CDH18: variants seen among roughly 807,000 people sequenced by gnomAD.
CDH18 encodes cadherin 18, also known as cadherin-18.
A neutral mutation model predicts 67.9 loss-of-function variants in CDH18; 31 were observed. That is an observed-to-expected ratio of 0.46 (90% confidence interval 0.34 to 0.62). The LOEUF (loss-of-function observed/expected upper bound fraction) is 0.62, where lower values mean the gene tolerates loss of function less well. Among genes scored for constraint, CDH18 ranks in the 20% least tolerant of loss-of-function variants. The probability of loss-of-function intolerance (pLI) is 0.01; values close to 1 mark genes in which losing one functional copy is unlikely to be tolerated. For synonymous variants in CDH18, 362 were observed against 347.2 expected, an observed-to-expected ratio of 1.04 and a Z score of -0.48; for missense variants, 890 against 975.5, an observed-to-expected ratio of 0.91 and a Z score of 1.17.
intron 1 of CDH18, among the ~76,000 whole-genome samples, chr5:20,391,083 A>G (rs1039969232): frequency 1.3e-5 from 2 of 152,090 alleles, no homozygotes; most frequent in African/African-American, 4.8e-5. Context: ...ATATATACAT[A>G]TGTAACTAAC....
chr5:19,749,901 T>C (rs1272237117), intron 3 of CDH18, among the ~76,000 whole-genome samples: 2 of 151,790 alleles, frequency 1.3e-5, no homozygotes, highest in Non-Finnish European at 2.9e-5. Context: ...TGAACCTAGA[T>C]TGTAATAAGA....
At chr5:19,687,581 G>C (rs1415463695) in intron 5 of CDH18, among the ~76,000 whole-genome samples, 1 of 152,158 alleles carries the variant, frequency 6.6e-6, no homozygotes, top group East Asian at 1.9e-4. Context: ...CCTCCTGCCT[G>C]GGACTGCTAC....
intron 2 of CDH18, among the ~76,000 whole-genome samples, chr5:19,859,989 G>GGGGTGTGTGTGTGTGTGTGT (rs143069229): frequency 5.6e-5 from 8 of 143,148 alleles, no homozygotes; most frequent in African/African-American, 2.1e-4. Flanking sequence ...GTTTGCTTTG[G>GGGGTGTGTGTGTGTGTGTGT]GTGTGTGTGT....
chr5:20,100,539 G>C (rs899458504), intron 2 of CDH18, among the ~76,000 whole-genome samples: 1 of 151,954 alleles, frequency 6.6e-6, no homozygotes. Flanking sequence ...GAAGTTTATC[G>C]GTTGTCAACA....
intron 2 of CDH18, among the ~76,000 whole-genome samples, chr5:20,107,766 T>A (rs1430940480): frequency 2.6e-5 from 4 of 151,908 alleles, no homozygotes; most frequent in South Asian, 4.1e-4. Flanking sequence ...CTTTTTTTTT[T>A]ATTTTATTAT....
chr5:20,122,390 A>G (rs1018626624), intron 2 of CDH18, among the ~76,000 whole-genome samples: 1 of 152,218 alleles, frequency 6.6e-6, no homozygotes. Flanking sequence ...GAGATGCCTT[A>G]GTAATGATCC....
intron 2 of CDH18, among the ~76,000 whole-genome samples, chr5:19,925,780 T>C (rs1793015267): frequency 6.6e-6 from 1 of 152,076 alleles, no homozygotes; most frequent in African/African-American, 2.4e-5. Context: ...CTCACGACAA[T>C]TGAGCTCACT....
intron 2 of CDH18, among the ~76,000 whole-genome samples, chr5:20,182,167 G>T (rs545578056): frequency 7.8e-4 from 118 of 152,058 alleles, no homozygotes; most frequent in African/African-American, 2.8e-3. Context: ...AAAACCAAGA[G>T]AACATTATTG....
At chr5:19,532,865 A>C (rs1429197959) in intron 9 of CDH18, among the ~76,000 whole-genome samples, 16 of 152,208 alleles carry the variant, frequency 1.1e-4, no homozygotes, top group Admixed American at 1.0e-3. Flanking sequence ...CATGGTTTAT[A>C]TGAGCAATCT....
chr5:19,979,848 C>T (rs556930427), intron 2 of CDH18, among the ~76,000 whole-genome samples: 35 of 152,218 alleles, frequency 2.3e-4, no homozygotes, highest in African/African-American at 8.4e-4. Context: ...CCACAGCTAA[C>T]ATAATACTGA....
At chr5:19,477,030 C>T (rs1027490473) in intron 12 of CDH18, among the ~76,000 whole-genome samples, 12 of 151,100 alleles carry the variant, frequency 7.9e-5, no homozygotes, top group Admixed American at 3.3e-4. Context: ...TTTACATCTA[C>T]CTTTTCCCCA....
At chr5:20,013,987 A>G (rs575919537) in intron 2 of CDH18, among the ~76,000 whole-genome samples, 2 of 152,266 alleles carry the variant, frequency 1.3e-5, no homozygotes, top group Non-Finnish European at 2.9e-5. Context: ...CCTGATGCTC[A>G]ATGTACTATT....
intron 1 of CDH18, among the ~76,000 whole-genome samples, chr5:20,370,331 ATTGAT>A (rs1742878629): frequency 6.6e-6 from 1 of 152,074 alleles, no homozygotes; most frequent in African/African-American, 2.4e-5. Context: ...CATATGACTA[ATTGAT>A]TTATGTTTGT....
In CDH18 at chr5:19,589,191, T is replaced by C. The variant is rs76067006; in HGVS notation, c.999+1866A>G. Reference sequence around the variant, plus strand: ...AATGATAATCACCCAGTCAATCCTGTACTTCCTTTAGCCGAATCCAATCAA... The same window carrying C: ...AATGATAATCACCCAGTCAATCCTGCACTTCCTTTAGCCGAATCCAATCAA... On this transcript the variant is annotated intron_variant, in intron 7 of 12. Coordinates refer to ENST00000382275, the MANE Select transcript of CDH18 (RefSeq NM_004934.5). Among the ~76,000 whole-genome samples the C allele has an allele frequency of 9.2e-5, 14 of 152,222 alleles. No individual in the cohort carries two copies. The East Asian group carries it at 2.5e-3, about 27-fold the overall frequency.
intron 4 of CDH18, among the ~76,000 whole-genome samples, chr5:19,736,336 G>T (rs1186489534): frequency 2.0e-5 from 3 of 152,076 alleles, no homozygotes. Flanking sequence ...AGCCATAATC[G>T]TGCTGCCACT....
chr5:20,322,828 A>G, intron 1 of CDH18, among the ~76,000 whole-genome samples: 1 of 152,290 alleles, frequency 6.6e-6, no homozygotes, highest in Non-Finnish European at 1.5e-5. Context: ...GAAATGTGTT[A>G]TGCTAAGTAT....
intron 2 of CDH18, among the ~76,000 whole-genome samples, chr5:20,015,501 C>G (rs929203709): frequency 6.6e-6 from 1 of 152,132 alleles, no homozygotes. Flanking sequence ...AAGACTAACA[C>G]CATGTTTACA....
chr5:20,547,962 T>C lies in CDH18; in HGVS notation c.-580+27500A>G, dbSNP rs964540851. Among the ~76,000 whole-genome samples the C allele has an allele frequency of 8.8e-4, 133 of 151,956 alleles. 1 individual carries two copies. Among genetic ancestry groups the C allele is most frequent in the African/African-American group, 3.0e-3 (124 of 41,422 alleles). On this transcript the variant is annotated intron_variant, in intron 1 of 14. Transcript: ENST00000507958. ...GTTTGAATATAGGTATTAAATCTTATATATATTTGAATATGTTGATACTGC... is the reference window on the plus strand; with the variant it reads ...GTTTGAATATAGGTATTAAATCTTACATATATTTGAATATGTTGATACTGC...
At chr5:19,986,967 G>GT (rs1287402562) in intron 1 of CDH18, among the ~76,000 whole-genome samples, 11 of 152,102 alleles carry the variant, frequency 7.2e-5, no homozygotes, top group Non-Finnish European at 1.2e-4. Context: ...CCTGTAGTTA[G>GT]TTTTTTTGGC....
Sources: allele counts gnomAD v4.1 joint callset (sites outside exome capture counted in the v4.1 genomes callset), GRCh38; gene constraint gnomAD v4.1.1; transcripts MANE v1.5; gene names NCBI Gene and HGNC (gene_info 2026-07-23, HGNC 2026-07-21).